TMEM117: variants seen among roughly 807,000 people sequenced by gnomAD.
TMEM117 encodes the protein transmembrane protein 117.
In TMEM117, 27 loss-of-function variants were observed where a neutral mutation model predicts 52.4. The ratio of observed to expected loss-of-function variants is 0.51; its 90% confidence interval spans 0.38 to 0.71. The LOEUF is 0.71. Among genes scored for constraint, TMEM117 ranks in the 30% least tolerant of loss-of-function variants. The pLI is 0.00. For missense variants in TMEM117, 556 were observed against 630.5 expected, an observed-to-expected ratio of 0.88 and a Z score of 1.26; for synonymous variants, 215 against 206.3, an observed-to-expected ratio of 1.04 and a Z score of -0.36.
chr12:43,968,077 T>C (rs1945514857), intron 3 of TMEM117, among the ~76,000 whole-genome samples: 1 of 152,222 alleles, frequency 6.6e-6, no homozygotes, highest in South Asian at 2.1e-4. Flanking sequence ...TAGCAAATAA[T>C]AAACAGAAGA....
chr12:44,100,690 A>G (rs546188318), intron 3 of TMEM117, among the ~76,000 whole-genome samples: 228 of 152,162 alleles, frequency 1.5e-3, no homozygotes, highest in Middle Eastern at 3.4e-3. Context: ...TCATCACCAT[A>G]AAATTTCTAG....
At chr12:44,341,003 G>T (rs114775332) in intron 6 of TMEM117, among the ~76,000 whole-genome samples, 16 of 151,918 alleles carry the variant, frequency 1.1e-4, no homozygotes, top group African/African-American at 3.9e-4. Context: ...CTGTGTCCAA[G>T]TGTACACATT....
At chr12:43,906,729 G>A (rs1477680393) in intron 2 of TMEM117, among the ~76,000 whole-genome samples, 2 of 152,236 alleles carry the variant, frequency 1.3e-5, no homozygotes, top group Admixed American at 6.5e-5. Context: ...AAAGAAAGTG[G>A]TGACAGACAG....
intron 1 of TMEM117, among the ~76,000 whole-genome samples, chr12:43,842,411 A>G (rs957182420): frequency 1.3e-5 from 2 of 152,138 alleles, no homozygotes; most frequent in African/African-American, 4.8e-5. Context: ...AGGCTTATGA[A>G]TCCAGGGCAC....
At chr12:43,799,364 A>T in the TMEM117 span, 1 of 1,392,140 alleles carries the variant, frequency 7.2e-7, no homozygotes, top group South Asian at 1.3e-5. Context: ...TCAAACACTT[A>T]AAATCTTGCA....
chr12:44,334,428 G>T (rs1391166732), intron 6 of TMEM117, among the ~76,000 whole-genome samples: 1 of 152,014 alleles, frequency 6.6e-6, no homozygotes, highest in Non-Finnish European at 1.5e-5. Context: ...AGATTTAGGA[G>T]TACATGATTG....
intron 2 of TMEM117, among the ~76,000 whole-genome samples, chr12:43,855,204 A>C (rs1943379184): frequency 6.6e-6 from 1 of 152,090 alleles, no homozygotes. Context: ...AGTCTTTTGG[A>C]TCTCGGAACT....
At chr12:44,254,011 C>CAAAA (rs199912435) in intron 5 of TMEM117, among the ~76,000 whole-genome samples, 2 of 90,092 alleles carry the variant, frequency 2.2e-5, no homozygotes, top group South Asian at 3.8e-4. Flanking sequence ...CTCATTTGAC[C>CAAAA]AAAAAAAAAA....
chr12:43,925,138 G>A lies in TMEM117; in HGVS notation c.278-19072G>A, dbSNP rs118124777. On this transcript the variant is annotated intron_variant, in intron 2 of 7. Coordinates refer to ENST00000266534, the MANE Select transcript of TMEM117 (RefSeq NM_032256.3). The stretch of plus-strand genomic sequence containing the variant: ...AGAGAGGGACCACGGTGGAAACTAC[G>A]ATAACTTTCACAACCTACCCTTGGA... 3.1e-4 allele frequency among the ~76,000 whole-genome samples: 47 copies of A among 152,088 alleles called. No individual in the cohort carries two copies. In the East Asian group the frequency reaches 8.7e-3, roughly 28 times the overall value.
chr12:44,097,776 G>T (rs1947795068), intron 3 of TMEM117, among the ~76,000 whole-genome samples: 1 of 147,278 alleles, frequency 6.8e-6, no homozygotes, highest in Non-Finnish European at 1.5e-5. Context: ...GAGTTAATGG[G>T]TGCAATACAC....
chr12:43,888,520 G>A (rs193235690), intron 2 of TMEM117, among the ~76,000 whole-genome samples: 4 of 145,830 alleles, frequency 2.7e-5, no homozygotes, highest in Admixed American at 2.7e-4. Context: ...CCCTTATTGT[G>A]TACTTTTGTG....
At chr12:44,373,116 A>G (rs1279233474) in intron 6 of TMEM117, among the ~76,000 whole-genome samples, 2 of 152,228 alleles carry the variant, frequency 1.3e-5, no homozygotes, top group Admixed American at 1.3e-4. Flanking sequence ...TTTATAACCC[A>G]AATGTCCACA....
intron 3 of TMEM117, among the ~76,000 whole-genome samples, chr12:44,076,720 T>C (rs1947388604): frequency 1.3e-5 from 2 of 152,238 alleles, no homozygotes; most frequent in South Asian, 4.1e-4. Context: ...TGGATAAACA[T>C]AGTTGTCCCC....
At chr12:43,948,700 CT>C (rs531432568) in intron 3 of TMEM117, among the ~76,000 whole-genome samples, 13 of 151,488 alleles carry the variant, frequency 8.6e-5, no homozygotes, top group East Asian at 7.7e-4. Context: ...TGAGTAACTT[CT>C]TTTTTTTTAC....
intron 6 of TMEM117, among the ~76,000 whole-genome samples, chr12:44,336,138 A>G (rs140279058): frequency 3.7e-4 from 57 of 152,158 alleles, no homozygotes; most frequent in African/African-American, 1.3e-3. Context: ...GGAAAGCTGT[A>G]TAGTATTGTG....
At chr12:44,026,662 C>G (rs1946538957) in intron 3 of TMEM117, among the ~76,000 whole-genome samples, 1 of 152,114 alleles carries the variant, frequency 6.6e-6, no homozygotes, top group South Asian at 2.1e-4. Flanking sequence ...TCCCAGATCT[C>G]TTAATTGGCA....
Position 44,276,640 on chromosome 12 carries a change from G to A in TMEM117, c.609-22940G>A, listed in dbSNP as rs1052001312. 8.5e-5 allele frequency among the ~76,000 whole-genome samples: 13 copies of A among 152,064 alleles called. No individual in the cohort carries two copies. The East Asian group carries it at 2.5e-3, about 29-fold the overall frequency. The stretch of plus-strand genomic sequence containing the variant: ...TTTCTAAGAGAGTAGGTTAAATGAT[G>A]TCTCCCAAAAAAATAAGTCTGAGAG... On this transcript the variant is annotated intron_variant, in intron 5 of 7. Transcript: ENST00000266534.
intron 3 of TMEM117, among the ~76,000 whole-genome samples, chr12:44,142,754 A>T (rs573217960): frequency 6.6e-6 from 1 of 152,286 alleles, no homozygotes; most frequent in East Asian, 1.9e-4. Flanking sequence ...TTTGTTAGTT[A>T]TATGATATGA....
chr12:43,893,216 T>C (rs980774863), intron 2 of TMEM117, among the ~76,000 whole-genome samples: 4 of 152,252 alleles, frequency 2.6e-5, no homozygotes, highest in Admixed American at 2.6e-4. Context: ...ACCTAATTTA[T>C]ATTTTTAATT....
Sources: gnomAD v4.1 joint callset for allele counts (sites outside exome capture counted in the v4.1 genomes callset) on GRCh38, gnomAD v4.1.1 for gene constraint, MANE v1.5 for transcripts, NCBI Gene and HGNC (gene_info 2026-07-23, HGNC 2026-07-21) for gene names.